ATP8B1: variants seen among roughly 807,000 people sequenced by gnomAD.
The protein encoded by ATP8B1 is ATPase phospholipid transporting 8B1.
In ATP8B1, 80 loss-of-function variants were observed where a neutral mutation model predicts 149.9. The observed-to-expected ratio is 0.53, with a 90% CI of 0.45 to 0.64. The LOEUF (loss-of-function observed/expected upper bound fraction) is 0.64. ATP8B1 is among the 30% of genes least tolerant of loss of function. The pLI is 0.00. For missense variants in ATP8B1, 1,247 were observed against 1,552.6 expected, an observed-to-expected ratio of 0.80 and a Z score of 3.31; for synonymous variants, 536 against 562.8, an observed-to-expected ratio of 0.95 and a Z score of 0.67.
intron 1 of ATP8B1, among the ~76,000 whole-genome samples, chr18:57,796,060 C>T (rs1020876144): frequency 6.6e-6 from 1 of 152,032 alleles, no homozygotes; most frequent in Admixed American, 6.6e-5. Context: ...CCCAGCTACT[C>T]AGGAGGCTGA....
chr18:57,730,362 G>A (rs1192178962), intron 2 of ATP8B1, among the ~76,000 whole-genome samples: 1 of 140,990 alleles, frequency 7.1e-6, no homozygotes, highest in Non-Finnish European at 1.5e-5. Context: ...GCAGGGAGGC[G>A]TGTCTGGAGC....
chr18:57,744,517 A>G (rs1231915099), intron 1 of ATP8B1, among the ~76,000 whole-genome samples: 1 of 152,162 alleles, frequency 6.6e-6, no homozygotes, highest in African/African-American at 2.4e-5. Flanking sequence ...CTCGGCCTCA[A>G]TCCACAATGT....
At chr18:57,709,477 G>A (rs1913583232) in intron 2 of ATP8B1, among the ~76,000 whole-genome samples, 1 of 152,126 alleles carries the variant, frequency 6.6e-6, no homozygotes, top group African/African-American at 2.4e-5. Flanking sequence ...ATTAACATCA[G>A]TTAAGAAGTG....
Position 57,686,557 on chromosome 18 carries a change from A to T in ATP8B1, c.1430-1442T>A, listed in dbSNP as rs551793841. 2.0e-5 allele frequency among the ~76,000 whole-genome samples: 3 copies of T among 152,216 alleles called. No homozygotes were observed. In the East Asian group the frequency reaches 5.8e-4, roughly 30 times the overall value. On this transcript the variant is annotated intron_variant, in intron 13 of 27. Coordinates refer to ENST00000648908, the MANE Select transcript of ATP8B1 (RefSeq NM_001374385.1). ...TGCCTCAGCCTCCTGAATAGCTGGG[A>T]CTAGAGGCATCCACCACCACGCCCA...
chr18:57,662,451 G>A lies in ATP8B1; in HGVS notation c.2418+32C>T, dbSNP rs183907545. ...CTCCAAATGAACTTCTTTCTTTTGA[G>A]TTAAAGGCACAGATACACTAATGAT... On this transcript the variant is annotated intron_variant, in intron 21 of 27. Coordinates refer to ENST00000648908, the MANE Select transcript of ATP8B1 (RefSeq NM_001374385.1). The A allele has an allele frequency of 8.7e-6, 14 of 1,613,532 alleles. No homozygotes were observed. In the East Asian group the frequency reaches 2.9e-4, roughly 33 times the overall value.
intron 1 of ATP8B1, among the ~76,000 whole-genome samples, chr18:57,778,405 T>C (rs2080328414): frequency 6.6e-6 from 1 of 151,952 alleles, no homozygotes; most frequent in South Asian, 2.1e-4. Context: ...TTTTGTATTT[T>C]TTTTTTAATA....
intron 1 of ATP8B1, among the ~76,000 whole-genome samples, chr18:57,744,307 CA>C (rs10680324): frequency 1.6e-4 from 16 of 97,834 alleles, no homozygotes; most frequent in East Asian, 9.3e-4. Flanking sequence ...GAGACTGTCT[CA>C]AAAAAAAAAA....
At chr18:57,790,176 C>T (rs2080449200) in intron 1 of ATP8B1, among the ~76,000 whole-genome samples, 2 of 152,032 alleles carry the variant, frequency 1.3e-5, no homozygotes, top group Non-Finnish European at 1.5e-5. Flanking sequence ...TTGTGAAGTG[C>T]GGCTCCTACC....
chr18:57,753,850 C>T (rs1378019869), intron 1 of ATP8B1, among the ~76,000 whole-genome samples: 1 of 148,552 alleles, frequency 6.7e-6, no homozygotes, highest in African/African-American at 2.5e-5. Context: ...ATTGCTTGAA[C>T]CTGGGAGGCG....
At chr18:57,703,082 T>C (rs1913209336) in intron 4 of ATP8B1, among the ~76,000 whole-genome samples, 1 of 152,164 alleles carries the variant, frequency 6.6e-6, no homozygotes, top group South Asian at 2.1e-4. Flanking sequence ...CATCCTTTAC[T>C]ATCTGACTTG....
In ATP8B1 at chr18:57,662,652, A is replaced by T. The variant is rs759874435; in HGVS notation, c.2286-37T>A. The T allele has an allele frequency of 4.3e-6, 7 of 1,612,006 alleles. No homozygotes were observed. The South Asian group carries it at 5.5e-5, about 13-fold the overall frequency. ...CAAATTTCAGTGTTTAAAGTGTAAG[A>T]CCCTAAATAGGCCCTTGACTCTGAG... On this transcript the variant is annotated intron_variant, in intron 20 of 27. Transcript: ENST00000648908.
At chr18:57,738,813 A>G (rs963192504) in intron 1 of ATP8B1, among the ~76,000 whole-genome samples, 1 of 151,784 alleles carries the variant, frequency 6.6e-6, no homozygotes, top group Admixed American at 6.6e-5. Context: ...TGACCACCAA[A>G]GGCATGCCAT....
At chr18:57,720,601 A>T in intron 2 of ATP8B1, among the ~76,000 whole-genome samples, 1 of 124,070 alleles carries the variant, frequency 8.1e-6, no homozygotes, top group African/African-American at 3.1e-5. Flanking sequence ...CTATGTGAAA[A>T]GACCAAATCT....
intron 2 of ATP8B1, among the ~76,000 whole-genome samples, chr18:57,727,644 C>A (rs1408365044): frequency 6.6e-6 from 1 of 151,562 alleles, no homozygotes; most frequent in Non-Finnish European, 1.5e-5. Flanking sequence ...CAAAAATTAG[C>A]CAGGCGTGGT....
chr18:57,724,589 A>T (rs1434830853), intron 2 of ATP8B1, among the ~76,000 whole-genome samples: 3 of 151,812 alleles, frequency 2.0e-5, no homozygotes, highest in African/African-American at 7.3e-5. Flanking sequence ...ATCATTAAAA[A>T]GCCAGGAAAC....
intron 1 of ATP8B1, among the ~76,000 whole-genome samples, chr18:57,791,351 C>CTTTTTTTTTTTTTTTTT (rs570282416): frequency 1.2e-5 from 1 of 82,398 alleles, no homozygotes; most frequent in African/African-American, 4.2e-5. Context: ...CTTTTCTTTT[C>CTTTTTTTTTTTTTTTTT]TTTTTTTTTT....
intron 2 of ATP8B1, among the ~76,000 whole-genome samples, chr18:57,712,472 G>T (rs1490144846): frequency 2.0e-5 from 3 of 152,198 alleles, no homozygotes; most frequent in Non-Finnish European, 4.4e-5. Context: ...GCCCTAGCCA[G>T]AGGGGAATCT....
chr18:57,718,082 C>T (rs1420398465), intron 2 of ATP8B1, among the ~76,000 whole-genome samples: 1 of 35,006 alleles, frequency 2.9e-5, no homozygotes, highest in East Asian at 8.1e-4. Context: ...ACAAAATTGA[C>T]AAACCTTTAG....
At chr18:57,727,095 A>G (rs1238534892) in intron 2 of ATP8B1, among the ~76,000 whole-genome samples, 2 of 152,142 alleles carry the variant, frequency 1.3e-5, no homozygotes, top group African/African-American at 4.8e-5. Context: ...ATAAATAAAC[A>G]AATAAATAAA....
Sources: allele counts gnomAD v4.1 joint callset (sites outside exome capture counted in the v4.1 genomes callset), GRCh38; gene constraint gnomAD v4.1.1; transcripts MANE v1.5; gene names NCBI Gene and HGNC (gene_info 2026-07-23, HGNC 2026-07-21).